Variants in CTDSPL2 observed in about 807,000 individuals in gnomAD.
CTDSPL2 encodes the protein CTD small phosphatase-like protein 2.
CTDSPL2 carries 5 observed loss-of-function variants against 60.0 expected under a neutral mutation model. That is an observed-to-expected ratio of 0.08 (90% CI 0.04 to 0.18). The LOEUF (loss-of-function observed/expected upper bound fraction) is 0.18. CTDSPL2 is among the 10% of genes least tolerant of loss of function. CTDSPL2 has a pLI of 1.00. For synonymous variants in CTDSPL2, 186 were observed against 189.3 expected (o/e 0.98, Z 0.14); for missense variants, 370 against 548.8 (o/e 0.67, Z 3.26).
intron 1 of CTDSPL2, chr15:44,447,953 G>A (rs565548341): frequency 2.2e-5 from 4 of 179,480 alleles, no homozygotes; most frequent in African/African-American, 7.1e-5. Flanking sequence ...GGCCCATGAC[G>A]GGACCCATGC....
intron 2 of CTDSPL2, among the ~76,000 whole-genome samples, chr15:44,478,120 T>C (rs2080955522): frequency 6.6e-6 from 1 of 152,018 alleles, no homozygotes; most frequent in Admixed American, 6.6e-5. Context: ...AGCATCATTG[T>C]CTGAAGCTCA....
chr15:44,490,856 A>G lies in CTDSPL2; in HGVS notation c.548A>G (p.Gln183Arg). ...ATAGTAAAACAACTTGATATGGAAC[A>G]GGTGGATGAGATCACTACCAGTACT... Reference protein sequence around the residue: ...EEIVKQLDMEQVDEITTSTTT... With the variant: ...EEIVKQLDMERVDEITTSTTT... Residue 183 changes from glutamine (Q) to arginine (R), a missense_variant, in exon 5 of 13, where the codon CAG becomes CGG. Coordinates refer to ENST00000260327, the MANE Select transcript of CTDSPL2 (RefSeq NM_016396.3). 2.5e-6 allele frequency: 4 copies of G among 1,613,994 alleles called. No individual in the cohort carries two copies. Among genetic ancestry groups the G allele is most frequent in the Non-Finnish European group, 3.4e-6 (4 of 1,179,956 alleles).
intron 4 of CTDSPL2, 136 bp from the exon 5 acceptor site, chr15:44,490,648 C>G: frequency 1.5e-6 from 1 of 658,350 alleles, no homozygotes; most frequent in Non-Finnish European, 2.7e-6. Flanking sequence ...CAAAGATTCT[C>G]TAAAAGCAAT....
chr15:44,428,973 T>G (rs2141242697), intron 1 of CTDSPL2, among the ~76,000 whole-genome samples: 1 of 152,300 alleles, frequency 6.6e-6, no homozygotes, highest in South Asian at 2.1e-4. Flanking sequence ...TCATGTTGAA[T>G]TTGGGATCTT....
chr15:44,450,589 A>ATTTTTTTTTTTTTTTTTTT (rs36016079), intron 1 of CTDSPL2, among the ~76,000 whole-genome samples: 1 of 88,698 alleles, frequency 1.1e-5, no homozygotes, highest in African/African-American at 4.8e-5. Context: ...TATATTCTTA[A>ATTTTTTTTTTTTTTTTTTT]TTTTTTTTTT....
At chr15:44,478,173 A>C (rs915906348) in intron 2 of CTDSPL2, among the ~76,000 whole-genome samples, 4 of 152,066 alleles carry the variant, frequency 2.6e-5, no homozygotes, top group Non-Finnish European at 5.9e-5. Context: ...GGGGCTGAGC[A>C]TGGTGGCTGA....
At chr15:44,463,996 C>T (rs1054326934) in intron 2 of CTDSPL2, among the ~76,000 whole-genome samples, 2 of 152,046 alleles carry the variant, frequency 1.3e-5, no homozygotes, top group Non-Finnish European at 2.9e-5. Flanking sequence ...ACAGTGAAGA[C>T]CAATACGACA....
intron 12 of CTDSPL2, 133 bp from the exon 13 acceptor site, chr15:44,523,976 T>C (rs2081832991): frequency 1.5e-6 from 1 of 665,850 alleles, no homozygotes; most frequent in African/African-American, 1.8e-5. Flanking sequence ...CTGTGTAGTA[T>C]CTCTATTTGG....
chr15:44,432,680 C>T (rs1465641311), intron 1 of CTDSPL2, among the ~76,000 whole-genome samples: 5 of 151,826 alleles, frequency 3.3e-5, no homozygotes, highest in South Asian at 4.2e-4. Flanking sequence ...AGTGCAGTGG[C>T]GCCATCTCAG....
chr15:44,451,145 G>A (rs2080327189), intron 1 of CTDSPL2, among the ~76,000 whole-genome samples: 1 of 152,124 alleles, frequency 6.6e-6, no homozygotes, highest in Non-Finnish European at 1.5e-5. Context: ...CTGTTTCCCA[G>A]GCTGGAGTGC....
intron 1 of CTDSPL2, among the ~76,000 whole-genome samples, chr15:44,453,134 T>C (rs1182915916): frequency 2.0e-5 from 3 of 152,158 alleles, no homozygotes; most frequent in Admixed American, 6.5e-5. Context: ...TGGATTTCTT[T>C]TATTTTTCTA....
At chr15:44,508,088 CTT>C (rs796747250) in intron 8 of CTDSPL2, among the ~76,000 whole-genome samples, 1 of 141,846 alleles carries the variant, frequency 7.0e-6, no homozygotes, top group Non-Finnish European at 1.6e-5. Flanking sequence ...CTTTTTTTTT[CTT>C]TTTTTTTTTG....
At chr15:44,432,431 C>G (rs1401564350) in intron 1 of CTDSPL2, among the ~76,000 whole-genome samples, 1 of 148,886 alleles carries the variant, frequency 6.7e-6, no homozygotes, top group South Asian at 2.1e-4. Flanking sequence ...GCAATTCTCC[C>G]GCTTCAGCCT....
rs546365054 is a variant in CTDSPL2 at position 44,478,761 on chromosome 15, C to A, written c.187-5463C>A. On this transcript the variant is annotated intron_variant, in intron 2 of 12. Coordinates refer to ENST00000260327, the MANE Select transcript of CTDSPL2 (RefSeq NM_016396.3). ...CTTTGGGAGGCCAAGGCAGGCAGAT[C>A]ACTTCAGGTCAGGAGTTCAAGACCA... Among the ~76,000 whole-genome samples, 61 of 152,132 alleles carry A rather than the reference C, an allele frequency of 4.0e-4. No individual in the cohort carries two copies. The South Asian group carries it at 0.012, about 31-fold the overall frequency.
At chr15:44,459,384 G>A (rs571347522) in intron 2 of CTDSPL2, among the ~76,000 whole-genome samples, 184 bp downstream of exon 2, 3 of 152,134 alleles carry the variant, frequency 2.0e-5, no homozygotes, top group Non-Finnish European at 2.9e-5. Context: ...AAAATTAGCC[G>A]GGCGAGGTGG....
intron 2 of CTDSPL2, among the ~76,000 whole-genome samples, chr15:44,466,969 A>C (rs1701942951): frequency 6.6e-6 from 1 of 152,194 alleles, no homozygotes; most frequent in South Asian, 2.1e-4. Flanking sequence ...ACATAATGTT[A>C]CTGTACTGAT....
intron 1 of CTDSPL2, among the ~76,000 whole-genome samples, chr15:44,435,282 CCTT>C (rs2079953518): frequency 6.7e-6 from 1 of 148,470 alleles, no homozygotes; most frequent in African/African-American, 2.5e-5. Flanking sequence ...AAAAAAGAAT[CCTT>C]CTAACTGTGC....
intron 12 of CTDSPL2, among the ~76,000 whole-genome samples, chr15:44,523,702 A>G (rs936718954): frequency 2.6e-5 from 4 of 152,196 alleles, no homozygotes; most frequent in Non-Finnish European, 5.9e-5. Context: ...GTTCAAGACC[A>G]GCCTGGCCAA....
intron 2 of CTDSPL2, among the ~76,000 whole-genome samples, chr15:44,482,997 A>G (rs1179606249): frequency 1.3e-5 from 2 of 152,172 alleles, no homozygotes; most frequent in African/African-American, 4.8e-5. Flanking sequence ...GCTGTGGCTC[A>G]TGCCTGTAAT....
Sources: allele counts gnomAD v4.1 joint callset (sites outside exome capture counted in the v4.1 genomes callset), GRCh38; gene constraint gnomAD v4.1.1; transcripts MANE v1.5; gene names NCBI Gene and HGNC (gene_info 2026-07-23, HGNC 2026-07-21).